NCR3LG1: variants seen among roughly 807,000 people sequenced by gnomAD.
The protein encoded by NCR3LG1 is natural killer cell cytotoxicity receptor 3 ligand 1, also known as natural cytotoxicity triggering receptor 3 ligand 1.
In NCR3LG1, 35 loss-of-function variants were observed where a neutral mutation model predicts 34.8. That is an observed-to-expected ratio of 1.01 (90% CI 0.77 to 1.33). The LOEUF is 1.33. NCR3LG1 is among the 40% of genes most tolerant of loss of function. The pLI is 0.00. For synonymous variants in NCR3LG1, 173 were observed against 163.6 expected (o/e 1.06, Z -0.44); for missense variants, 452 against 423.3 (o/e 1.07, Z -0.60).
rs1247168471 is a variant in NCR3LG1, at chr11:17,367,270, G to A, written c.683G>A (p.Cys228Tyr). The change falls in exon 3 of 5, where the codon TGT (cysteine) becomes TAT (tyrosine). Residue 228 changes from cysteine (C) to tyrosine (Y), a missense_variant. Transcript: ENST00000338965. The stretch of plus-strand genomic sequence containing the variant: ...GAAGACCCTGGGACTGTCTACCAGT[G>A]TGTGGTACGGCATGCGTCCTTGCAT... Reference protein sequence around the residue: ...SQEDPGTVYQCVVRHASLHTP... With the variant: ...SQEDPGTVYQYVVRHASLHTP... The A allele has an allele frequency of 2.0e-6, 3 of 1,536,272 alleles. No individual in the cohort carries two copies. Among genetic ancestry groups the A allele is most frequent in the Non-Finnish European group, 2.6e-6 (3 of 1,146,948 alleles).
intron 2 of NCR3LG1, among the ~76,000 whole-genome samples, chr11:17,359,190 C>T (rs1953242947): frequency 6.6e-6 from 1 of 152,144 alleles, no homozygotes; most frequent in African/African-American, 2.4e-5. Flanking sequence ...TGATTCTAGA[C>T]CCTCTCAGCC....
At position 17,356,632 on chromosome 11, in the gene NCR3LG1, T is replaced by G. The variant is rs1953208589; in HGVS notation, c.71-19T>G. ...TCATACATTGGTAAACTGAACATTG[T>G]GTCCTCTTATTGCCACAGGTGATCT... On this transcript the variant is annotated intron_variant, in intron 1 of 4. Coordinates refer to ENST00000338965, the MANE Select transcript of NCR3LG1 (RefSeq NM_001202439.3). The G allele has an allele frequency of 5.4e-6, 8 of 1,483,832 alleles. No homozygotes were observed. The South Asian group carries it at 8.8e-5, about 16-fold the overall frequency. 91.9% of individuals were successfully genotyped at this position (1,483,832 alleles called of 1,614,324 possible).
intron 1 of NCR3LG1, among the ~76,000 whole-genome samples, chr11:17,352,693 A>G (rs570143978): frequency 1.3e-5 from 2 of 152,170 alleles, no homozygotes; most frequent in African/African-American, 4.8e-5. Flanking sequence ...GGTAAATTGG[A>G]AAAATCATTC....
At chr11:17,365,391 G>A (rs1243817787) in intron 2 of NCR3LG1, among the ~76,000 whole-genome samples, 1 of 152,210 alleles carries the variant, frequency 6.6e-6, no homozygotes, top group Non-Finnish European at 1.5e-5. Flanking sequence ...TGATGTGGTA[G>A]TAAAGTGTTG....
intron 1 of NCR3LG1, among the ~76,000 whole-genome samples, chr11:17,354,563 T>C (rs1393763649): frequency 2.0e-5 from 3 of 147,908 alleles, no homozygotes; most frequent in African/African-American, 7.4e-5. Flanking sequence ...TTTTTTTTTT[T>C]TTTTTTTTTT....
At chr11:17,370,984 AG>A (rs1316917240) in intron 4 of NCR3LG1, among the ~76,000 whole-genome samples, 8 of 152,186 alleles carry the variant, frequency 5.3e-5, no homozygotes, top group Admixed American at 2.0e-4. Flanking sequence ...TCAAGATTTC[AG>A]CCTAAATTTT....
chr11:17,367,414 C>A, intron 3 of NCR3LG1, 67 bp downstream of exon 3: 1 of 1,272,540 alleles, frequency 7.9e-7, no homozygotes, highest in Non-Finnish European at 1.1e-6. Flanking sequence ...GACTTATTCC[C>A]ACACAGCCTG....
intron 2 of NCR3LG1, among the ~76,000 whole-genome samples, chr11:17,357,616 C>T (rs1379024597): frequency 1.3e-5 from 2 of 151,902 alleles, no homozygotes; most frequent in African/African-American, 4.8e-5. Flanking sequence ...CTGCAACTGA[C>T]AGAGGAATAA....
chr11:17,352,147 A>T, intron 1 of NCR3LG1, 108 bp downstream of exon 1: 2 of 540,150 alleles, frequency 3.7e-6, no homozygotes, highest in Non-Finnish European at 6.3e-6. Context: ...CTGGGGGCTG[A>T]GAGCTCTATT....
chr11:17,375,100 C>T lies in NCR3LG1; in HGVS notation c.*2588C>T, dbSNP rs1953460496. On this transcript the variant is annotated 3_prime_UTR_variant, in exon 5 of 5. Coordinates refer to ENST00000338965, the MANE Select transcript of NCR3LG1 (RefSeq NM_001202439.3). ...TGGGGAATAACCTGTTTATGCCTCA[C>T]ATAAATAATGTGGCAGGCTTGCTGT... 1 of 152,208 alleles carries T rather than the reference C, an allele frequency of 6.6e-6. No individual in the cohort carries two copies. The highest frequency in any genetic ancestry group is 2.4e-5 in the African/African-American group (1 of 41,456). 9.4% of individuals were successfully genotyped at this position (152,208 alleles called of 1,614,324 possible).
chr11:17,354,545 C>CTTTTTTTTTTTTTT (rs71047545), intron 1 of NCR3LG1, among the ~76,000 whole-genome samples: 13 of 70,332 alleles, frequency 1.8e-4, no homozygotes, highest in Non-Finnish European at 3.8e-4. Flanking sequence ...AATTCTTCTT[C>CTTTTTTTTTTTTTT]TTTTTTTTTT....
rs2133342182 is a variant in NCR3LG1 at position 17,356,899 on chromosome 11, C to T, written c.319C>T (p.Leu107=). 6.5e-7 allele frequency: 1 copy of T among 1,536,178 alleles called. No individual in the cohort carries two copies. Among genetic ancestry groups the T allele is most frequent in the Admixed American group, 2.0e-5 (1 of 50,996 alleles). The change falls in exon 2 of 5, where the codon CTG becomes TTG. Residue 107 remains leucine, a synonymous_variant. Transcript: ENST00000338965. ...PWRLKSGDAS[L]RLPGIQLEEA... is the part of the protein sequence containing the mutation. ...GAGGCTGAAGAGTGGGGACGCCTCACTGCGGCTGCCTGGAATCCAGCTGGA... is the reference window on the plus strand; with the variant it reads ...GAGGCTGAAGAGTGGGGACGCCTCATTGCGGCTGCCTGGAATCCAGCTGGA...
At chr11:17,368,825 G>C in intron 3 of NCR3LG1, 42 bp from the exon 4 acceptor site, 2 of 1,337,706 alleles carry the variant, frequency 1.5e-6, no homozygotes, top group Non-Finnish European at 2.1e-6. Context: ...TCTGGCCCTT[G>C]CCAGTAGGTT....
rs1953453428 is a variant in NCR3LG1, at chr11:17,374,617, C to T, written c.*2105C>T. The stretch of plus-strand genomic sequence containing the variant: ...TGGTCTTGTCAGAAGGGAACAAGAG[C>T]ACTAGGCGAGGAGAGGATTAATCCC... On this transcript the variant is annotated 3_prime_UTR_variant, in exon 5 of 5. Coordinates refer to ENST00000338965, the MANE Select transcript of NCR3LG1 (RefSeq NM_001202439.3). The T allele has an allele frequency of 6.6e-6, 1 of 152,096 alleles. No homozygotes were observed. The highest frequency in any genetic ancestry group is 1.5e-5 in the Non-Finnish European group (1 of 68,032). 9.4% of individuals were successfully genotyped at this position (152,096 alleles called of 1,614,324 possible). A position where few individuals can be genotyped will look rare whatever the true frequency, so the allele number is the denominator to read the frequency against.
At position 17,366,989 on chromosome 11, in the gene NCR3LG1, T is replaced by C; in HGVS notation, c.422-20T>C. 1 of 1,508,136 alleles carries C rather than the reference T, an allele frequency of 6.6e-7. No individual in the cohort carries two copies. The highest frequency in any genetic ancestry group is 8.9e-7 in the Non-Finnish European group (1 of 1,126,154). The allele number at this position is 1,508,136 out of a possible 1,614,324, so 93.4% of individuals were successfully genotyped here. A position where few individuals can be genotyped will look rare whatever the true frequency, so the allele number is the denominator to read the frequency against. On this transcript the variant is annotated intron_variant, in intron 2 of 4. Coordinates refer to ENST00000338965, the MANE Select transcript of NCR3LG1 (RefSeq NM_001202439.3). Reference sequence around the variant, plus strand: ...AAAGGGTGCTGGGCCCAACTCTGTATGATTTTTTTTCCCTGACAGCTTCCC... The same window carrying C: ...AAAGGGTGCTGGGCCCAACTCTGTACGATTTTTTTTCCCTGACAGCTTCCC...
At chr11:17,359,500 C>T (rs1389943371) in intron 2 of NCR3LG1, among the ~76,000 whole-genome samples, 3 of 141,220 alleles carry the variant, frequency 2.1e-5, no homozygotes, top group African/African-American at 8.1e-5. Context: ...TTTGGCAATT[C>T]CTTTTTTTTT....
rs1462444664 is a variant in NCR3LG1 at position 17,372,459 on chromosome 11, A to G, written c.1312A>G (p.Thr438Ala). 2.8e-6 allele frequency: 2 copies of G among 703,306 alleles called. No homozygotes were observed. Among genetic ancestry groups the G allele is most frequent in the Admixed American group, 4.0e-5 (2 of 49,928 alleles). The allele number at this position is 703,306 out of a possible 1,614,324, so 43.6% of individuals were successfully genotyped here. ...IWEPPPATTS[T>A]TPVLSSQPPT... ...GGAACCTCCTCCAGCCACAACATCA[A>G]CAACTCCAGTTCTATCCTCCCAACC... Residue 438 changes from threonine (T) to alanine (A), a missense_variant, in exon 5 of 5, where the codon ACA (threonine) becomes GCA (alanine). By Grantham distance (58) the Thr-to-Ala change is moderately conservative. Coordinates refer to ENST00000338965, the MANE Select transcript of NCR3LG1 (RefSeq NM_001202439.3).
At chr11:17,355,921 C>T (rs755892530) in intron 1 of NCR3LG1, among the ~76,000 whole-genome samples, 2 of 151,518 alleles carry the variant, frequency 1.3e-5, no homozygotes, top group Non-Finnish European at 2.9e-5. Flanking sequence ...CCTCAGCCTC[C>T]CAAGTAGCTG....
At chr11:17,366,552 T>C (rs1189921938) in intron 2 of NCR3LG1, among the ~76,000 whole-genome samples, 3 of 152,212 alleles carry the variant, frequency 2.0e-5, no homozygotes, top group African/African-American at 7.2e-5. Context: ...ACCACAACAG[T>C]GTTCCAAGGC....
Sources: allele counts gnomAD v4.1 joint callset (sites outside exome capture counted in the v4.1 genomes callset), GRCh38; gene constraint gnomAD v4.1.1; transcripts MANE v1.5; gene names NCBI Gene and HGNC (gene_info 2026-07-23, HGNC 2026-07-21).